The following ATP2B2 variants were observed in gnomAD, a reference collection of about 807,000 sequenced individuals.
ATP2B2 encodes the protein plasma membrane calcium-transporting ATPase 2.
A neutral mutation model predicts 120.0 loss-of-function variants in ATP2B2; 15 were observed. The ratio of observed to expected loss-of-function variants is 0.12; its 90% CI spans 0.08 to 0.19. The LOEUF is 0.19. ATP2B2 is among the 10% of genes least tolerant of loss of function. The probability of loss-of-function intolerance (pLI) is 1.00; values close to 1 mark genes in which losing one functional copy is unlikely to be tolerated. For synonymous variants in ATP2B2, 694 were observed against 700.3 expected (o/e 0.99, Z 0.14); for missense variants, 1,045 against 1,719.8 (o/e 0.61, Z 6.94).
intron 2 of ATP2B2, among the ~76,000 whole-genome samples, chr3:10,593,963 A>AAAATGCT (rs1489099232): frequency 2.6e-5 from 4 of 152,394 alleles, no homozygotes; most frequent in African/African-American, 9.6e-5. Flanking sequence ...GACACATGAA[A>AAAATGCT]AAATGCTCAT....
intron 2 of ATP2B2, among the ~76,000 whole-genome samples, chr3:10,411,425 G>A (rs896631548): frequency 6.6e-6 from 1 of 152,188 alleles, no homozygotes; most frequent in Non-Finnish European, 1.5e-5. Context: ...TGGCAGCCAT[G>A]GGAAGCGAAT....
intron 2 of ATP2B2, among the ~76,000 whole-genome samples, chr3:10,619,267 T>C (rs1305066650): frequency 6.6e-6 from 1 of 152,090 alleles, no homozygotes; most frequent in Admixed American, 6.5e-5. Context: ...AGTGGCTCCA[T>C]CAACCCAAGA....
intron 1 of ATP2B2, among the ~76,000 whole-genome samples, chr3:10,450,419 C>G (rs912663751): frequency 1.3e-5 from 2 of 152,112 alleles, no homozygotes; most frequent in African/African-American, 4.8e-5. Flanking sequence ...CCAGGTTCCC[C>G]GCCCCTACAA....
chr3:10,412,233 T>C (rs553595759), intron 2 of ATP2B2, among the ~76,000 whole-genome samples: 1 of 152,226 alleles, frequency 6.6e-6, no homozygotes, highest in Non-Finnish European at 1.5e-5. Flanking sequence ...TACTGGGGTA[T>C]GGATGACCCA....
chr3:10,399,980 C>A (rs2124958022), intron 5 of ATP2B2, among the ~76,000 whole-genome samples: 1 of 152,336 alleles, frequency 6.6e-6, no homozygotes, highest in African/African-American at 2.4e-5. Context: ...TGGGCAGGGG[C>A]TGGGCCTGAA....
At chr3:10,386,353 G>T in intron 7 of ATP2B2, 127 bp downstream of exon 7, 1 of 1,035,402 alleles carries the variant, frequency 9.7e-7, no homozygotes, top group Non-Finnish European at 1.5e-6. Context: ...AGGGTCTGGG[G>T]GGTGGAGCCA....
chr3:10,464,053 T>C (rs1184674613), intron 1 of ATP2B2, among the ~76,000 whole-genome samples: 1 of 152,110 alleles, frequency 6.6e-6, no homozygotes, highest in African/African-American at 2.4e-5. Flanking sequence ...CCTGTGCGCA[T>C]GCTGATTAGT....
intron 1 of ATP2B2, among the ~76,000 whole-genome samples, chr3:10,499,266 C>T (rs1457262503): frequency 6.6e-6 from 1 of 152,184 alleles, no homozygotes; most frequent in African/African-American, 2.4e-5. Flanking sequence ...AAGAAAACAT[C>T]CGCTGAGCCT....
At chr3:10,548,752 C>G (rs2067604469) in intron 2 of ATP2B2, among the ~76,000 whole-genome samples, 1 of 152,232 alleles carries the variant, frequency 6.6e-6, no homozygotes, top group Admixed American at 6.5e-5. Flanking sequence ...TGATCTGCTT[C>G]TGGAAGAACC....
chr3:10,384,125 C>T (rs2061606036), intron 8 of ATP2B2, among the ~76,000 whole-genome samples: 2 of 152,238 alleles, frequency 1.3e-5, no homozygotes, highest in Admixed American at 6.5e-5. Context: ...AAGTGCCTTA[C>T]TCAGCCCCGA....
intron 1 of ATP2B2, among the ~76,000 whole-genome samples, chr3:10,683,760 G>GTGTGTATATA (rs1446781892): frequency 2.7e-3 from 147 of 53,856 alleles, no homozygotes; most frequent in Non-Finnish European, 3.8e-3. Flanking sequence ...GTGTGTGTGT[G>GTGTGTATATA]TATATATATA....
chr3:10,345,243 C>T (rs1183850098), intron 18 of ATP2B2, 141 bp downstream of exon 18: 2 of 943,010 alleles, frequency 2.1e-6, no homozygotes, highest in African/African-American at 1.6e-5. Context: ...CAGTTCCTGG[C>T]CCCCAGCAGG....
intron 3 of ATP2B2, among the ~76,000 whole-genome samples, chr3:10,530,138 G>C (rs1174494140): frequency 6.6e-6 from 1 of 152,168 alleles, no homozygotes; most frequent in Non-Finnish European, 1.5e-5. Context: ...AGGTGGCTGA[G>C]AGCGACCGAC....
chr3:10,560,615 C>T (rs535748194), intron 2 of ATP2B2, among the ~76,000 whole-genome samples: 2 of 152,304 alleles, frequency 1.3e-5, no homozygotes, highest in South Asian at 4.2e-4. Flanking sequence ...CCTGTAGATT[C>T]TATATCTAGC....
At chr3:10,434,689 T>C (rs2063421867) in intron 2 of ATP2B2, among the ~76,000 whole-genome samples, 1 of 152,238 alleles carries the variant, frequency 6.6e-6, no homozygotes, top group African/African-American at 2.4e-5. Context: ...TGGTGCCCCA[T>C]GGCCAGGCCC....
intron 22 of ATP2B2, among the ~76,000 whole-genome samples, chr3:10,336,659 G>T (rs1350459557): frequency 1.3e-5 from 2 of 152,170 alleles, no homozygotes; most frequent in African/African-American, 4.8e-5. Context: ...AGAGGGTGTG[G>T]TGGGGGTCCT....
chr3:10,626,219 C>G (rs1243580142), intron 1 of ATP2B2: 1 of 152,210 alleles, frequency 6.6e-6, no homozygotes, highest in Non-Finnish European at 1.5e-5. Flanking sequence ...AGGCATTGCC[C>G]AAGCACACAC....
intron 2 of ATP2B2, among the ~76,000 whole-genome samples, chr3:10,561,173 A>T (rs1458899406): frequency 1.3e-5 from 2 of 152,220 alleles, no homozygotes; most frequent in African/African-American, 4.8e-5. Flanking sequence ...CACCAGGCTG[A>T]GAGCTCCTGT....
At chr3:10,630,998 A>G (rs2069848589) in intron 1 of ATP2B2, among the ~76,000 whole-genome samples, 2 of 152,214 alleles carry the variant, frequency 1.3e-5, no homozygotes, top group South Asian at 4.1e-4. Context: ...AAATTGGAAA[A>G]TGTGTTTCAG....
Sources: gnomAD v4.1 joint callset for allele counts (sites outside exome capture counted in the v4.1 genomes callset) on GRCh38, gnomAD v4.1.1 for gene constraint, MANE v1.5 for transcripts, NCBI Gene and HGNC (gene_info 2026-07-23, HGNC 2026-07-21) for gene names.